Variants in GREP1 observed in about 807,000 individuals in gnomAD.
GREP1 encodes the protein glycine rich extracellular protein 1.
At chr16:2,995,843 C>T (rs1045266244) in intron 17 of GREP1, 72 bp downstream of exon 17, 2 of 398,476 alleles carry the variant, frequency 5.0e-6, no homozygotes, top group African/African-American at 4.1e-5. Flanking sequence ...TACTCATGCT[C>T]CCTCCCTCTC....
At chr16:2,993,549 C>G (rs1453219209) in intron 10 of GREP1, 1 of 151,680 alleles carries the variant, frequency 6.6e-6, no homozygotes, top group East Asian at 1.9e-4. Flanking sequence ...TGCCTGTAGT[C>G]CCAGCTACTC....
intron 18 of GREP1, among the ~76,000 whole-genome samples, chr16:2,996,176 A>G (rs1283159459): frequency 1.3e-5 from 2 of 151,974 alleles, no homozygotes; most frequent in Non-Finnish European, 2.9e-5. Flanking sequence ...CAGATGATCC[A>G]CCTGCCTTGG....
rs1432461520 is a variant in GREP1 at position 2,989,603 on chromosome 16, G to T, written c.130+51G>T. The T allele has an allele frequency of 2.5e-5, 10 of 400,668 alleles. No individual in the cohort carries two copies. 24.8% of individuals were successfully genotyped at this position (400,668 alleles called of 1,614,324 possible). On this transcript the variant is annotated intron_variant, in intron 3 of 34. Coordinates refer to ENST00000573315, the Ensembl canonical transcript of GREP1. The surrounding 1 kb of genome is among the most constrained non-coding windows in gnomAD (Gnocchi z 4.2). ...GCGTCTGAGGGCAGGGCACGGGGCA[G>T]GGGGGAGGCAGGACAGGAACAGGGA...
chr16:2,991,896 G>T lies in GREP1; in HGVS notation c.322+795G>T, dbSNP rs980608183. 3 of 152,622 alleles carry T rather than the reference G, an allele frequency of 2.0e-5. No homozygotes were observed. Among genetic ancestry groups the T allele is most frequent in the African/African-American group, 7.2e-5 (3 of 41,586 alleles). 9.5% of individuals were successfully genotyped at this position (152,622 alleles called of 1,614,324 possible). A position where few individuals can be genotyped will look rare whatever the true frequency, so the allele number is the denominator to read the frequency against. Reference sequence around the variant, plus strand: ...CCCACAGGCCCAAAACCAGGTCAGGGAGGGTAGGGTGTTGCGGAGGGCCTG... The same window carrying T: ...CCCACAGGCCCAAAACCAGGTCAGGTAGGGTAGGGTGTTGCGGAGGGCCTG... On this transcript the variant is annotated intron_variant, in intron 8 of 34. Coordinates refer to ENST00000573315, the Ensembl canonical transcript of GREP1. The surrounding 1 kb of genome is among the most constrained non-coding windows in gnomAD (Gnocchi z 4.9).
Position 2,997,040 on chromosome 16 carries a change from T to G in GREP1, c.841T>G (p.Phe281Val), listed in dbSNP as rs762376000. ...GCCTTGGGTCCCTCACTTGCTCCCTTTCTCTTCACCAGGCTATTTGGGGGT... is the reference window on the plus strand; with the variant it reads ...GCCTTGGGTCCCTCACTTGCTCCCTGTCTCTTCACCAGGCTATTTGGGGGT... Residue 281 changes from phenylalanine (F) to valine (V), a missense_variant, in exon 21 of 35, where the codon TTC becomes GTC. Phe to Val is a conservative substitution (Grantham distance 50). Coordinates refer to ENST00000573315, the Ensembl canonical transcript of GREP1. 34 of 398,972 alleles carry G rather than the reference T, an allele frequency of 8.5e-5. No individual in the cohort carries two copies. The highest frequency in any genetic ancestry group is 1.4e-4 in the Non-Finnish European group (31 of 226,172). The allele number at this position is 398,972 out of a possible 1,614,324, so 24.7% of individuals were successfully genotyped here.
intron 28 of GREP1, 60 bp downstream of exon 25, chr16:3,000,003 T>C: frequency 2.5e-6 from 1 of 399,122 alleles, no homozygotes. Flanking sequence ...CTCCTCTTCC[T>C]TCTGCCATCC....
chr16:2,997,291 C>T (rs2072430401), intron 21 of GREP1: 4 of 398,478 alleles, frequency 1.0e-5, no homozygotes, highest in African/African-American at 8.2e-5. Flanking sequence ...CGCCAGGATC[C>T]CTGGTTTCTG....
exon 26 of GREP1, chr16:2,998,955 G>A (rs1450015192): frequency 1.0e-5 from 4 of 399,012 alleles, no homozygotes; most frequent in Non-Finnish European, 1.8e-5. Flanking sequence ...GCCCCCTTCC[G>A]CAGTGCAGAA....
At chr16:2,988,533 C>A (rs1044894607) in intron 1 of GREP1, 57 bp from the exon 2 acceptor site, 1 of 399,262 alleles carries the variant, frequency 2.5e-6, no homozygotes, top group Non-Finnish European at 4.4e-6. Context: ...CTGGGCGCTG[C>A]CCCATCTCAG....
At position 3,000,697 on chromosome 16, in the gene GREP1, A is replaced by G. The variant is rs1338580077; in HGVS notation, c.1418-17A>G. ...TCCTGTGGGCAAGGGTACCCCTGCCAGCTCTCCTCCCCACAGGGCAGGCCG... is the reference window on the plus strand; with the variant it reads ...TCCTGTGGGCAAGGGTACCCCTGCCGGCTCTCCTCCCCACAGGGCAGGCCG... On this transcript the variant is annotated splice_polypyrimidine_tract_variant and intron_variant, in intron 32 of 34. Coordinates refer to ENST00000573315, the Ensembl canonical transcript of GREP1. 2.5e-6 allele frequency: 1 copy of G among 398,940 alleles called. No homozygotes were observed. The highest frequency in any genetic ancestry group is 4.4e-6 in the Non-Finnish European group (1 of 226,086). The allele number at this position is 398,940 out of a possible 1,614,324, so 24.7% of individuals were successfully genotyped here.
chr16:2,999,258 C>A, exon 27 of GREP1: 2 of 398,816 alleles, frequency 5.0e-6, no homozygotes, highest in Non-Finnish European at 4.4e-6. Flanking sequence ...CCTCCTAGCA[C>A]CAATGCCAGC....
Position 2,992,373 on chromosome 16 carries a change from C to T in GREP1, c.323-432C>T, listed in dbSNP as rs1032400875. ...TCCCACCCTCAAGCCCTCCCCAGAT[C>T]CACCCCTCACACACTGCTTCTCCTC... is the stretch of plus-strand genomic sequence containing the variant. On this transcript the variant is annotated intron_variant, in intron 8 of 34. Transcript: ENST00000573315. This position sits in a 1 kb window ranked among gnomAD's most constrained non-coding sequence, Gnocchi z 4.9. 1.3e-5 allele frequency: 2 copies of T among 155,542 alleles called. No homozygotes were observed. Among genetic ancestry groups the T allele is most frequent in the Non-Finnish European group, 2.8e-5 (2 of 70,432 alleles). The allele number at this position is 155,542 out of a possible 1,614,324, so 9.6% of individuals were successfully genotyped here. A position where few individuals can be genotyped will look rare whatever the true frequency, so the allele number is the denominator to read the frequency against.
intron 33 of GREP1, 30 bp downstream of exon 27, chr16:3,000,857 G>A: frequency 2.5e-6 from 1 of 398,940 alleles, no homozygotes; most frequent in Non-Finnish European, 4.4e-6. Flanking sequence ...AGTGTGTTGG[G>A]GCCATTAGAG....
exon 24 of GREP1, chr16:2,998,368 C>A (rs1247060471): frequency 3.0e-5 from 12 of 399,170 alleles, no homozygotes; most frequent in Non-Finnish European, 4.9e-5. Flanking sequence ...CTGCGAGGGA[C>A]CTTGAAGCCT....
chr16:2,999,402 C>T (rs1325395058), intron 27 of GREP1: 2 of 395,840 alleles, frequency 5.1e-6, no homozygotes, highest in Non-Finnish European at 4.5e-6. Flanking sequence ...CCCTCCATCA[C>T]CCTTTTTCCC....
chr16:2,996,769 G>A lies in GREP1; in HGVS notation c.745+64G>A, dbSNP rs1023647209. The A allele has an allele frequency of 2.0e-5, 8 of 398,862 alleles. No individual in the cohort carries two copies. The South Asian group carries it at 3.8e-4, about 19-fold the overall frequency. The allele number at this position is 398,862 out of a possible 1,614,324, so 24.7% of individuals were successfully genotyped here. ...AGATCCTGGTGTTCTAGCTGGGTCT[G>A]CGTGGGACTCCCAGGGGAGGGGTGA... On this transcript the variant is annotated intron_variant, in intron 20 of 34. Transcript: ENST00000573315.
rs952695833 is a variant in GREP1, at chr16:2,989,579, C to G, written c.130+27C>G. On this transcript the variant is annotated intron_variant, in intron 3 of 34. Coordinates refer to ENST00000573315, the Ensembl canonical transcript of GREP1. This position sits in a 1 kb window ranked among gnomAD's most constrained non-coding sequence, Gnocchi z 4.2. ...TGAGGCCTGGCATAGGGAAGGGAGG[C>G]GTCTGAGGGCAGGGCACGGGGCAGG... 3 of 397,636 alleles carry G rather than the reference C, an allele frequency of 7.5e-6. No individual in the cohort carries two copies. 24.6% of individuals were successfully genotyped at this position (397,636 alleles called of 1,614,324 possible). A position where few individuals can be genotyped will look rare whatever the true frequency, so the allele number is the denominator to read the frequency against.
rs1314168237 is a variant in GREP1, at chr16:2,997,104, G to C, written c.886+19G>C. 2 of 399,126 alleles carry C rather than the reference G, an allele frequency of 5.0e-6. No individual in the cohort carries two copies. The highest frequency in any genetic ancestry group is 8.8e-6 in the Non-Finnish European group (2 of 226,110). 24.7% of individuals were successfully genotyped at this position (399,126 alleles called of 1,614,324 possible). On this transcript the variant is annotated intron_variant, in intron 21 of 34. Transcript: ENST00000573315. ...AAGCCAGGTGAGCCCTGCCCCGCCTGTCCCTCTGCCTCCCCCAAACCCTGA... is the reference window on the plus strand; with the variant it reads ...AAGCCAGGTGAGCCCTGCCCCGCCTCTCCCTCTGCCTCCCCCAAACCCTGA...
exon 34 of GREP1, chr16:3,001,292 G>A (rs2072460961): frequency 7.5e-6 from 3 of 399,130 alleles, no homozygotes; most frequent in East Asian, 3.6e-5. Context: ...GGGCCCCGAC[G>A]TGAAGAGAGG....
Sources: allele counts gnomAD v4.1 joint callset (sites outside exome capture counted in the v4.1 genomes callset), GRCh38; gene constraint gnomAD v4.1.1; non-coding constraint Gnocchi (gnomAD v3.1); transcripts MANE v1.5; gene names NCBI Gene and HGNC (gene_info 2026-07-23, HGNC 2026-07-21).